The following SGIP1 variants were observed in gnomAD, a reference collection of about 807,000 sequenced individuals.
The protein encoded by SGIP1 is SH3-containing GRB2-like protein 3-interacting protein 1.
SGIP1 carries 38 observed loss-of-function variants against 107.5 expected under a neutral mutation model. That is an observed-to-expected ratio of 0.35 (90% CI 0.27 to 0.46). The LOEUF (loss-of-function observed/expected upper bound fraction) is 0.46. Ranked by LOEUF, SGIP1 falls within the 20% of genes least tolerant of loss-of-function variation. The probability of loss-of-function intolerance (pLI) is 1.00; values close to 1 mark genes in which losing one functional copy is unlikely to be tolerated. For synonymous variants in SGIP1, 365 were observed against 366.1 expected (o/e 1.00, Z 0.03); for missense variants, 929 against 1,019.5 (o/e 0.91, Z 1.21).
At chr1:66,735,132 C>A (rs1007226510) in intron 21 of SGIP1, among the ~76,000 whole-genome samples, 2 of 152,016 alleles carry the variant, frequency 1.3e-5, no homozygotes, top group African/African-American at 4.8e-5. Context: ...ACCACCACTA[C>A]CTCAGCCTCT....
chr1:66,722,539 A>G (rs1388668980), intron 19 of SGIP1, among the ~76,000 whole-genome samples: 2 of 152,176 alleles, frequency 1.3e-5, no homozygotes, highest in East Asian at 3.8e-4. Context: ...TTACTCACCT[A>G]ATATTTACAA....
At chr1:66,554,371 C>T (rs1052461976) in intron 1 of SGIP1, among the ~76,000 whole-genome samples, 1 of 152,124 alleles carries the variant, frequency 6.6e-6, no homozygotes, top group Non-Finnish European at 1.5e-5. Context: ...TTAGCCAATG[C>T]AAATAATGCA....
At chr1:66,588,397 T>C (rs2044399) in intron 1 of SGIP1, among the ~76,000 whole-genome samples, 104,999 of 151,330 alleles carry the variant, frequency 0.69, 38,156 homozygotes, top group East Asian at 1. Flanking sequence ...ATATTAGAAC[T>C]TCCCCTACTT....
upstream of SGIP1, chr1:66,534,034 TTG>T: frequency 2.4e-6 from 1 of 425,520 alleles, no homozygotes; most frequent in East Asian, 4.3e-5. Flanking sequence ...TCCGGGGGTA[TTG>T]TGTCAGGAGA....
intron 1 of SGIP1, among the ~76,000 whole-genome samples, chr1:66,605,880 CCA>C (rs1370113278): frequency 6.6e-6 from 1 of 151,958 alleles, no homozygotes; most frequent in Admixed American, 6.6e-5. Flanking sequence ...GGACTGAGGC[CCA>C]GTTTTCCAGG....
chr1:66,734,997 A>G (rs1205282595), intron 21 of SGIP1, among the ~76,000 whole-genome samples: 3 of 152,048 alleles, frequency 2.0e-5, no homozygotes, highest in African/African-American at 7.2e-5. Context: ...TCAGGAATAC[A>G]GTATATGGTT....
Position 66,747,035 on chromosome 1 carries a change from T to C in SGIP1, c.*3940T>C, listed in dbSNP as rs893610073. On this transcript the variant is annotated 3_prime_UTR_variant, in exon 25 of 25. Coordinates refer to ENST00000371037, the MANE Select transcript of SGIP1 (RefSeq NM_032291.4). ...TAAACACCGTAACAACACAAAATGA[T>C]CTACCACATATCAATGTCTTCCATC... is the stretch of plus-strand genomic sequence containing the variant. 7 of 152,082 alleles carry C rather than the reference T, an allele frequency of 4.6e-5. No homozygotes were observed. Among genetic ancestry groups the C allele is most frequent in the African/African-American group, 1.7e-4 (7 of 41,442 alleles). The allele number at this position is 152,082 out of a possible 1,614,324, so 9.4% of individuals were successfully genotyped here.
chr1:66,720,719 C>T (rs2093488060), intron 19 of SGIP1, among the ~76,000 whole-genome samples: 1 of 152,050 alleles, frequency 6.6e-6, no homozygotes, highest in South Asian at 2.1e-4. Flanking sequence ...GAGCAAGACC[C>T]TGTTTCAGAA....
intron 1 of SGIP1, among the ~76,000 whole-genome samples, chr1:66,602,663 T>TAAAG (rs1553249773): frequency 1.3e-5 from 2 of 151,494 alleles, no homozygotes; most frequent in African/African-American, 4.8e-5. Flanking sequence ...AATAAATAAA[T>TAAAG]AAAAAGAAAT....
intron 18 of SGIP1, among the ~76,000 whole-genome samples, chr1:66,701,074 T>C (rs967078012): frequency 8.5e-5 from 13 of 152,338 alleles, no homozygotes; most frequent in Middle Eastern, 3.4e-3. Flanking sequence ...TACCCCTACT[T>C]AGTCATTGGC....
intron 18 of SGIP1, among the ~76,000 whole-genome samples, chr1:66,716,666 AC>A (rs1301643218): frequency 6.6e-6 from 1 of 152,024 alleles, no homozygotes; most frequent in Non-Finnish European, 1.5e-5. Context: ...CAGTTCCAGG[AC>A]CCCAAGAACC....
rs1217147994 is a variant in SGIP1 at position 66,749,488 on chromosome 1, T to G, written c.*6393T>G. Among the ~76,000 whole-genome samples, 2 of 151,934 alleles carry G rather than the reference T, an allele frequency of 1.3e-5. No individual in the cohort carries two copies. On this transcript the variant is annotated 3_prime_UTR_variant, in exon 25 of 25. Transcript: ENST00000371037. ...TTTCTTTTTTTGCTTTGCTTTACTTTGCCAATCAGTTACTTTTATACCAAA... is the reference window on the plus strand; with the variant it reads ...TTTCTTTTTTTGCTTTGCTTTACTTGGCCAATCAGTTACTTTTATACCAAA...
Position 66,695,495 on chromosome 1 carries a change from T to A in SGIP1, c.1630+2T>A. Reference sequence around the variant, plus strand: ...GAAAGTTTTATTTGACTTTTGAAGGTAAGTAGTGCATAGCATACCAGATTC... The same window carrying A: ...GAAAGTTTTATTTGACTTTTGAAGGAAAGTAGTGCATAGCATACCAGATTC... On this transcript the variant is annotated splice_donor_variant, in intron 18 of 24. Transcript: ENST00000371037. LOFTEE classifies it high-confidence loss of function. 6.2e-7 allele frequency: 1 copy of A among 1,613,946 alleles called. No homozygotes were observed. The highest frequency in any genetic ancestry group is 8.5e-7 in the Non-Finnish European group (1 of 1,179,844).
At chr1:66,677,369 T>C (rs2085626287) in intron 13 of SGIP1, among the ~76,000 whole-genome samples, 1 of 152,236 alleles carries the variant, frequency 6.6e-6, no homozygotes, top group Non-Finnish European at 1.5e-5. Flanking sequence ...TTATTCATTG[T>C]ACGTAAGTAA....
chr1:66,668,387 C>T (rs1198670430), intron 9 of SGIP1, among the ~76,000 whole-genome samples: 2 of 152,054 alleles, frequency 1.3e-5, no homozygotes, highest in East Asian at 1.9e-4. Flanking sequence ...GACAGGGTTT[C>T]GCCATGTTAG....
chr1:66,670,028 A>G lies in SGIP1; in HGVS notation c.484-967A>G, dbSNP rs76132831. On this transcript the variant is annotated intron_variant, in intron 9 of 24. Transcript: ENST00000371037. ...AAAAAATGTGTTTGGTGGCCATCCA[A>G]CAAATGTGTTCATGGTCTCAGCTTT... Among the ~76,000 whole-genome samples the G allele has an allele frequency of 4.4e-3, 669 of 152,288 alleles. 4 individuals are homozygous for G. Among genetic ancestry groups the G allele is most frequent in the African/African-American group, 0.016 (648 of 41,548 alleles).
intron 1 of SGIP1, among the ~76,000 whole-genome samples, chr1:66,562,348 C>CA (rs2148466978): frequency 6.6e-6 from 1 of 152,024 alleles, no homozygotes; most frequent in African/African-American, 2.4e-5. Flanking sequence ...ATGAGGGTTT[C>CA]AGGGAGATAA....
intron 18 of SGIP1, among the ~76,000 whole-genome samples, chr1:66,702,667 G>C (rs1206271521): frequency 6.6e-6 from 1 of 152,130 alleles, no homozygotes; most frequent in Non-Finnish European, 1.5e-5. Context: ...GTGTCTGGTG[G>C]TGACTATACT....
At chr1:66,606,545 T>C (rs1231037285) in intron 1 of SGIP1, among the ~76,000 whole-genome samples, 3 of 152,154 alleles carry the variant, frequency 2.0e-5, no homozygotes, top group Non-Finnish European at 4.4e-5. Context: ...GAGGGAGACA[T>C]GACAGAGGGC....
Sources: gnomAD v4.1 joint callset for allele counts (sites outside exome capture counted in the v4.1 genomes callset) on GRCh38, gnomAD v4.1.1 for gene constraint, MANE v1.5 for transcripts, NCBI Gene and HGNC (gene_info 2026-07-23, HGNC 2026-07-21) for gene names.